Variants in PSD3 observed in about 807,000 individuals in gnomAD.
The protein encoded by PSD3 is pleckstrin and Sec7 domain containing 3.
PSD3 carries 49 observed loss-of-function variants against 105.5 expected under a neutral mutation model. The observed-to-expected ratio is 0.46, with a 90% CI of 0.37 to 0.59. PSD3 has a LOEUF of 0.59. Among genes scored for constraint, PSD3 ranks in the 20% least tolerant of loss-of-function variants. The pLI is 0.00. For missense variants in PSD3, 1,561 were observed against 1,263.8 expected (o/e 1.24, Z -3.57); for synonymous variants, 557 against 457.8 (o/e 1.22, Z -2.77).
intron 8 of PSD3, among the ~76,000 whole-genome samples, chr8:18,776,247 T>G (rs1563252943): frequency 7.1e-6 from 1 of 141,580 alleles, no homozygotes; most frequent in Admixed American, 7.0e-5. Flanking sequence ...TTACCATGGC[T>G]CTCTCTCTCT....
intron 9 of PSD3, among the ~76,000 whole-genome samples, chr8:18,672,339 T>C (rs180890922): frequency 7.2e-4 from 110 of 151,898 alleles, no homozygotes; most frequent in Non-Finnish European, 1.2e-3. Context: ...TTTAAATAAA[T>C]GGCCTGTAAA....
Position 18,600,246 on chromosome 8 carries a change from G to A in PSD3, c.2481+118C>T, listed in dbSNP as rs186048930. On this transcript the variant is annotated intron_variant, in intron 12 of 15. Coordinates refer to ENST00000327040, the MANE Select transcript of PSD3 (RefSeq NM_015310.4). ...CTCCGCTGAAAATTTTTTAACATCA[G>A]CAAACAAACTGCAGAAAGTGAAACC... 8.2e-6 allele frequency: 8 copies of A among 974,806 alleles called. No homozygotes were observed. The East Asian group carries it at 1.3e-4, about 16-fold the overall frequency. The allele number at this position is 974,806 out of a possible 1,614,324, so 60.4% of individuals were successfully genotyped here.
At chr8:18,897,027 G>C (rs184640546) in intron 2 of PSD3, among the ~76,000 whole-genome samples, 2 of 151,740 alleles carry the variant, frequency 1.3e-5, no homozygotes, top group Non-Finnish European at 2.9e-5. Context: ...GGCTGGTCTC[G>C]AACTCCTGAC....
At chr8:18,919,690 G>A (rs186948170) in intron 2 of PSD3, among the ~76,000 whole-genome samples, 62 of 151,968 alleles carry the variant, frequency 4.1e-4, no homozygotes, top group African/African-American at 1.4e-3. Context: ...TTCTATGTGC[G>A]CCATTTGTAG....
intron 4 of PSD3, among the ~76,000 whole-genome samples, chr8:18,855,615 C>G (rs1586235008): frequency 2.0e-5 from 3 of 152,296 alleles, no homozygotes. Context: ...CAAAGGCAAC[C>G]TGCATGTATG....
chr8:18,759,988 G>A (rs901033865), intron 9 of PSD3, among the ~76,000 whole-genome samples: 6 of 150,746 alleles, frequency 4.0e-5, no homozygotes, highest in African/African-American at 7.4e-5. Context: ...AGATAGAAAC[G>A]CAGCTTTTCT....
chr8:18,683,867 T>C (rs1250520044), intron 9 of PSD3: 6 of 765,132 alleles, frequency 7.8e-6, no homozygotes, highest in African/African-American at 6.8e-5. Flanking sequence ...CCCGGGAGTA[T>C]TTCACGGAAC....
At chr8:18,635,234 C>T (rs1260415544) in intron 10 of PSD3, among the ~76,000 whole-genome samples, 1 of 152,078 alleles carries the variant, frequency 6.6e-6, no homozygotes, top group African/African-American at 2.4e-5. Context: ...CTTAAATTTT[C>T]CTTGTCCTGG....
chr8:18,747,976 A>G (rs1326681772), intron 9 of PSD3, among the ~76,000 whole-genome samples: 2 of 152,128 alleles, frequency 1.3e-5, no homozygotes, highest in African/African-American at 4.8e-5. Context: ...AGACTACGGA[A>G]GTCTTCGTAT....
intron 9 of PSD3, among the ~76,000 whole-genome samples, chr8:18,730,678 A>G (rs1803681738): frequency 1.3e-5 from 2 of 152,226 alleles, no homozygotes; most frequent in East Asian, 3.8e-4. Context: ...TATCCCTTAA[A>G]ATACCAGTAG....
intron 4 of PSD3, among the ~76,000 whole-genome samples, chr8:18,840,598 A>T (rs1234265696): frequency 2.0e-5 from 3 of 152,242 alleles, no homozygotes; most frequent in African/African-American, 7.2e-5. Context: ...AGGTATTATT[A>T]GTATGTCCAC....
intron 4 of PSD3, among the ~76,000 whole-genome samples, chr8:18,843,059 A>C (rs1156396398): frequency 6.6e-6 from 1 of 152,182 alleles, no homozygotes; most frequent in Non-Finnish European, 1.5e-5. Flanking sequence ...GCTGTTAATA[A>C]AAACATAAAA....
At chr8:18,821,841 C>A (rs929723228) in intron 4 of PSD3, among the ~76,000 whole-genome samples, 26 of 103,938 alleles carry the variant, frequency 2.5e-4, no homozygotes, top group Non-Finnish European at 3.7e-4. Context: ...AAGGGAATAC[C>A]CACACACACA....
At chr8:18,559,106 T>C (rs1801245067) in intron 14 of PSD3, among the ~76,000 whole-genome samples, 1 of 152,198 alleles carries the variant, frequency 6.6e-6, no homozygotes, top group Middle Eastern at 3.2e-3. Context: ...TACACATGTC[T>C]CCTAGGGAAT....
chr8:18,972,453 G>C (rs1243376816), intron 1 of PSD3, among the ~76,000 whole-genome samples: 2 of 152,158 alleles, frequency 1.3e-5, no homozygotes, highest in Non-Finnish European at 2.9e-5. Context: ...TAATTCCTGG[G>C]AACATTTGAA....
chr8:18,829,992 A>G (rs1813549552), intron 4 of PSD3, among the ~76,000 whole-genome samples: 1 of 152,118 alleles, frequency 6.6e-6, no homozygotes, highest in Non-Finnish European at 1.5e-5. Context: ...TTTTTTTGAG[A>G]TGGAGTGCTT....
At chr8:18,684,806 G>A (rs1323565959) in intron 9 of PSD3, among the ~76,000 whole-genome samples, 9 of 152,116 alleles carry the variant, frequency 5.9e-5, no homozygotes, top group Admixed American at 4.6e-4. Context: ...AGCTAACTCC[G>A]GGCAACAAGC....
At chr8:18,638,865 T>C (rs1807450398) in intron 10 of PSD3, among the ~76,000 whole-genome samples, 1 of 152,220 alleles carries the variant, frequency 6.6e-6, no homozygotes, top group East Asian at 1.9e-4. Flanking sequence ...AACAGCATGA[T>C]ACTGGTATAA....
intron 9 of PSD3, among the ~76,000 whole-genome samples, chr8:18,714,170 G>T (rs1039748400): frequency 4.6e-5 from 7 of 151,720 alleles, no homozygotes; most frequent in Non-Finnish European, 7.4e-5. Context: ...CCCAAAACTG[G>T]AAAAACTAGA....
Sources: gnomAD v4.1 joint callset for allele counts (sites outside exome capture counted in the v4.1 genomes callset) on GRCh38, gnomAD v4.1.1 for gene constraint, MANE v1.5 for transcripts, NCBI Gene and HGNC (gene_info 2026-07-23, HGNC 2026-07-21) for gene names.